FA2H: variants seen among roughly 807,000 people sequenced by gnomAD.
The protein encoded by FA2H is fatty acid alpha-hydroxylase.
In FA2H, 22 loss-of-function variants were observed where a neutral mutation model predicts 44.9. That is an observed-to-expected ratio of 0.49 (90% CI 0.35 to 0.70). The LOEUF is 0.70. Among genes scored for constraint, FA2H ranks in the 30% least tolerant of loss-of-function variants. The probability of loss-of-function intolerance (pLI) is 0.01; values close to 1 mark genes in which losing one functional copy is unlikely to be tolerated. For missense variants in FA2H, 501 were observed against 504.9 expected (o/e 0.99, Z 0.07); for synonymous variants, 243 against 213.2 (o/e 1.14, Z -1.22).
chr16:74,720,332 A>T (rs1364350105), intron 4 of FA2H, among the ~76,000 whole-genome samples: 1 of 151,194 alleles, frequency 6.6e-6, no homozygotes, highest in East Asian at 1.9e-4. Flanking sequence ...AGTAGCCGGG[A>T]TTACAGGTGT....
chr16:74,719,187 GA>G, intron 4 of FA2H, 27 bp from the exon 5 acceptor site: 2 of 1,605,824 alleles, frequency 1.2e-6, no homozygotes, highest in Non-Finnish European at 1.7e-6. Flanking sequence ...AGAGCGAGGT[GA>G]GGACCGGTGC....
intron 2 of FA2H, 114 bp from the exon 3 acceptor site, chr16:74,727,500 T>A: frequency 8.6e-7 from 1 of 1,156,664 alleles, no homozygotes; most frequent in Non-Finnish European, 1.3e-6. Context: ...TCCTGTGATC[T>A]GTGTGGGGCC....
intron 1 of FA2H, among the ~76,000 whole-genome samples, chr16:74,741,884 G>GTA (rs1567643318): frequency 6.8e-6 from 1 of 147,086 alleles, no homozygotes; most frequent in African/African-American, 2.5e-5. Flanking sequence ...GTGTGTGTGT[G>GTA]TATCATGCTG....
intron 1 of FA2H, among the ~76,000 whole-genome samples, chr16:74,747,621 G>A (rs1014911291): frequency 7.9e-5 from 12 of 152,056 alleles, no homozygotes; most frequent in Non-Finnish European, 1.5e-4. Context: ...AGACACACAC[G>A]TGTGAAGATG....
At position 74,771,962 on chromosome 16, in the gene FA2H, T is replaced by TC. The variant is rs543073860; in HGVS notation, c.270+2523_270+2524insG. ...CTCTTCCCTGGCTTCCTTTTTTTTT[T>TC]TTTTTTAAGATGGAGTCTTGCTCTA... On this transcript the variant is annotated intron_variant, in intron 1 of 6. Transcript: ENST00000219368. 3.3e-5 allele frequency among the ~76,000 whole-genome samples: 5 copies of TC among 152,046 alleles called. No homozygotes were observed. The East Asian group carries it at 9.7e-4, about 29-fold the overall frequency.
chr16:74,714,040 G>C lies in FA2H; in HGVS notation c.*150C>G. 1.6e-6 allele frequency: 1 copy of C among 616,246 alleles called. No homozygotes were observed. The highest frequency in any genetic ancestry group is 1.9e-5 in the South Asian group (1 of 53,044). 38.2% of individuals were successfully genotyped at this position (616,246 alleles called of 1,614,324 possible). On this transcript the variant is annotated 3_prime_UTR_variant, in exon 7 of 7. Transcript: ENST00000219368. ...GTCAGGAGGGCGGTCCTGCCTCAGG[G>C]CCCCCTCAGCACCTTCCACTAGGCT...
intron 3 of FA2H, among the ~76,000 whole-genome samples, chr16:74,726,588 A>G (rs183714335): frequency 6.6e-6 from 1 of 152,310 alleles, no homozygotes; most frequent in Admixed American, 6.5e-5. Context: ...GGGTTTCACC[A>G]TGTTGTCAGG....
At position 74,735,797 on chromosome 16, in the gene FA2H, T is replaced by C. The variant is rs143010975; in HGVS notation, c.363+4226A>G. On this transcript the variant is annotated intron_variant, in intron 2 of 6. Coordinates refer to ENST00000219368, the MANE Select transcript of FA2H (RefSeq NM_024306.5). The stretch of plus-strand genomic sequence containing the variant: ...GAGTTTGAGACCAGCCTGGACAACA[T>C]AGCAAGACCCTATCTCTACAAAAAA... Among the ~76,000 whole-genome samples, 702 of 152,090 alleles carry C rather than the reference T, an allele frequency of 4.6e-3. 4 individuals are homozygous for C. The highest frequency in any genetic ancestry group is 0.016 in the African/African-American group (657 of 41,490).
At chr16:74,745,215 G>A (rs1399887842) in intron 1 of FA2H, among the ~76,000 whole-genome samples, 3 of 152,210 alleles carry the variant, frequency 2.0e-5, no homozygotes, top group African/African-American at 7.2e-5. Context: ...GGGGGCACCT[G>A]GCTCTCCTGA....
chr16:74,758,117 CTTTTTTTT>C (rs71378706), intron 1 of FA2H, among the ~76,000 whole-genome samples: 1 of 113,576 alleles, frequency 8.8e-6, no homozygotes. Flanking sequence ...GGAAACAATT[CTTTTTTTT>C]TTTTTTTTTT....
intron 1 of FA2H, among the ~76,000 whole-genome samples, chr16:74,740,667 A>ATAATAC (rs1414840634): frequency 7.1e-6 from 1 of 140,738 alleles, no homozygotes; most frequent in Non-Finnish European, 1.5e-5. Flanking sequence ...AATAATAATA[A>ATAATAC]TAAAATTTCT....
intron 1 of FA2H, among the ~76,000 whole-genome samples, chr16:74,747,523 T>C (rs1567645259): frequency 6.6e-6 from 1 of 152,112 alleles, no homozygotes; most frequent in African/African-American, 2.4e-5. Context: ...TGTCTCAGAA[T>C]GTGACCTTCT....
chr16:74,771,745 C>T (rs550741526), intron 1 of FA2H, among the ~76,000 whole-genome samples: 22 of 152,268 alleles, frequency 1.4e-4, no homozygotes, highest in African/African-American at 5.3e-4. Flanking sequence ...TGCTGAGTCC[C>T]AGCATATTGT....
intron 1 of FA2H, among the ~76,000 whole-genome samples, chr16:74,757,301 T>G (rs1962628717): frequency 6.6e-6 from 1 of 152,190 alleles, no homozygotes; most frequent in Admixed American, 6.5e-5. Context: ...AGGGAGCAAT[T>G]TTTTCATCCA....
At chr16:74,718,850 A>G in intron 5 of FA2H, 138 bp downstream of exon 5, 1 of 1,001,376 alleles carries the variant, frequency 1.0e-6, no homozygotes, top group Non-Finnish European at 1.5e-6. Flanking sequence ...TTGCCCCGTG[A>G]GTCACATCAA....
intron 1 of FA2H, among the ~76,000 whole-genome samples, chr16:74,770,771 A>C (rs1962890960): frequency 6.6e-6 from 1 of 152,182 alleles, no homozygotes; most frequent in Non-Finnish European, 1.5e-5. Context: ...TAGTGTGACC[A>C]TTGTCAAGTT....
rs1007943932 is a variant in FA2H at position 74,716,246 on chromosome 16, T to C, written c.1039+101A>G. 7 of 1,391,808 alleles carry C rather than the reference T, an allele frequency of 5.0e-6. No homozygotes were observed. The African/African-American group carries it at 1.0e-4, about 20-fold the overall frequency. The allele number at this position is 1,391,808 out of a possible 1,614,324, so 86.2% of individuals were successfully genotyped here. ...GAGGGAACCCTCTGTATATGCCCCG[T>C]ACATGGAACAGTGCCTTGCCGTTCC... On this transcript the variant is annotated intron_variant, in intron 6 of 6. Coordinates refer to ENST00000219368, the MANE Select transcript of FA2H (RefSeq NM_024306.5).
At chr16:74,732,197 T>C (rs1329035986) in intron 2 of FA2H, among the ~76,000 whole-genome samples, 2 of 152,182 alleles carry the variant, frequency 1.3e-5, no homozygotes, top group South Asian at 2.1e-4. Flanking sequence ...GCCCCTGGTT[T>C]TTCTATGTCC....
At chr16:74,742,051 C>G (rs1962323528) in intron 1 of FA2H, among the ~76,000 whole-genome samples, 1 of 151,888 alleles carries the variant, frequency 6.6e-6, no homozygotes, top group Non-Finnish European at 1.5e-5. Context: ...TGATAGGTTC[C>G]AACAGGCAGG....
Sources: gnomAD v4.1 joint callset for allele counts (sites outside exome capture counted in the v4.1 genomes callset) on GRCh38, gnomAD v4.1.1 for gene constraint, MANE v1.5 for transcripts, NCBI Gene and HGNC (gene_info 2026-07-23, HGNC 2026-07-21) for gene names.